Variants in ELOVL6 observed in about 807,000 individuals in gnomAD.
ELOVL6 encodes the protein very long chain fatty acid elongase 6.
Under a neutral mutation model 31.7 loss-of-function variants are expected in ELOVL6, and 8 were observed. That is an observed-to-expected ratio of 0.25 (90% confidence interval 0.15 to 0.45). ELOVL6 has a LOEUF of 0.45. Ranked by LOEUF, ELOVL6 falls within the 20% of genes least tolerant of loss-of-function variation. ELOVL6 has a pLI of 1.00. For synonymous variants in ELOVL6, 101 were observed against 117.7 expected (o/e 0.86, Z 0.92); for missense variants, 126 against 326.4 (o/e 0.39, Z 4.73).
intron 1 of ELOVL6, among the ~76,000 whole-genome samples, chr4:110,187,521 C>T (rs574581114): frequency 6.6e-6 from 1 of 151,592 alleles, no homozygotes; most frequent in South Asian, 2.1e-4. Context: ...CCAGTGAAAC[C>T]CCGTCTCTAC....
rs1560815068 is a variant in ELOVL6, at chr4:110,084,369, GATATATGAT to G, written c.221+21119_221+21127del. On this transcript the variant is annotated intron_variant, in intron 2 of 3. Coordinates refer to ENST00000302274, the MANE Select transcript of ELOVL6 (RefSeq NM_024090.3). Reference sequence around the variant, plus strand: ...GATATATGATATATACCGCATATATGATATATGATATATATCGCATATATGATATATGAT... The same window carrying G: ...GATATATGATATATACCGCATATATGATATATCGCATATATGATATATGAT... Among the ~76,000 whole-genome samples the G allele has an allele frequency of 1.5e-3, 51 of 34,672 alleles. 1 individual carries two copies. The highest frequency in any genetic ancestry group is 6.9e-3 in the African/African-American group (48 of 6,984). 22.7% of individuals were successfully genotyped at this position (34,672 alleles called of 152,430 possible).
chr4:110,097,264 C>G (rs1243473306), intron 2 of ELOVL6, among the ~76,000 whole-genome samples: 1 of 142,620 alleles, frequency 7.0e-6, no homozygotes, highest in Non-Finnish European at 1.5e-5. Flanking sequence ...AAGATCGTGC[C>G]ACTGTACTTC....
Position 110,057,835 on chromosome 4 carries a change from A to C in ELOVL6, c.373+1768T>G, listed in dbSNP as rs556908892. Among the ~76,000 whole-genome samples, 3 of 145,850 alleles carry C rather than the reference A, an allele frequency of 2.1e-5. No individual in the cohort carries two copies. The South Asian group carries it at 6.9e-4, about 34-fold the overall frequency. ...CACTGCACTCCAGCCTCGGCAACAG[A>C]GTAAGACTCTGTCTCAGGGAAAAAA... is the stretch of plus-strand genomic sequence containing the variant. On this transcript the variant is annotated intron_variant, in intron 3 of 3. Transcript: ENST00000302274.
intron 2 of ELOVL6, among the ~76,000 whole-genome samples, chr4:110,097,034 G>A (rs7655420): frequency 0.28 from 42,209 of 151,814 alleles, 6,684 homozygotes; most frequent in East Asian, 0.59. Context: ...ATGGCTGGGC[G>A]CAGTGGCTCA....
chr4:110,141,644 T>C (rs914868776), intron 1 of ELOVL6, among the ~76,000 whole-genome samples: 2 of 149,830 alleles, frequency 1.3e-5, no homozygotes, highest in South Asian at 2.1e-4. Context: ...TAATATTGTA[T>C]TGTATTGTAT....
intron 1 of ELOVL6, among the ~76,000 whole-genome samples, chr4:110,108,789 G>A (rs1296499217): frequency 6.6e-6 from 1 of 152,188 alleles, no homozygotes. Context: ...ATCGGTTTGA[G>A]TGCTGTGATC....
intron 1 of ELOVL6, among the ~76,000 whole-genome samples, chr4:110,148,628 G>A (rs1420622634): frequency 2.0e-5 from 3 of 152,104 alleles, no homozygotes; most frequent in Admixed American, 6.5e-5. Context: ...AAATAACTAA[G>A]AGTATAATTG....
chr4:110,177,907 TGAA>T (rs1759160029), intron 1 of ELOVL6, among the ~76,000 whole-genome samples: 2 of 152,296 alleles, frequency 1.3e-5, no homozygotes, highest in Admixed American at 6.5e-5. Flanking sequence ...ACATAATCCA[TGAA>T]GAAAATAATC....
rs560381954 is a variant in ELOVL6, at chr4:110,159,374, T to G, written c.89+38873A>C. ...TAATAACTTGATGACAAAAGTTACTTTGCTTAATCATGTAAAGTAGAAAAA... is the reference window on the plus strand; with the variant it reads ...TAATAACTTGATGACAAAAGTTACTGTGCTTAATCATGTAAAGTAGAAAAA... On this transcript the variant is annotated intron_variant, in intron 1 of 3. Coordinates refer to ENST00000302274, the MANE Select transcript of ELOVL6 (RefSeq NM_024090.3). Among the ~76,000 whole-genome samples, 74 of 152,180 alleles carry G rather than the reference T, an allele frequency of 4.9e-4. 1 individual carries two copies. The highest frequency in any genetic ancestry group is 7.6e-4 in the Non-Finnish European group (52 of 68,028).
At chr4:110,058,114 C>T (rs1283723208) in intron 3 of ELOVL6, among the ~76,000 whole-genome samples, 1 of 152,166 alleles carries the variant, frequency 6.6e-6, no homozygotes, top group East Asian at 1.9e-4. Context: ...CTCCTGGGGC[C>T]TGGTTCATAA....
At chr4:110,158,658 T>TATATATATATATATATATA (rs35622604) in intron 1 of ELOVL6, among the ~76,000 whole-genome samples, 18 of 59,540 alleles carry the variant, frequency 3.0e-4, no homozygotes, top group African/African-American at 1.2e-3. Flanking sequence ...TATATATATA[T>TATATATATATATATATATA]TTTTTTTTTT....
chr4:110,197,597 TG>T (rs1299763530), intron 1 of ELOVL6, among the ~76,000 whole-genome samples: 1 of 152,092 alleles, frequency 6.6e-6, no homozygotes, highest in Non-Finnish European at 1.5e-5. Flanking sequence ...CTGTTTTCAT[TG>T]TCCCCTCCTC....
At chr4:110,172,939 AAAG>A (rs1447525571) in intron 1 of ELOVL6, among the ~76,000 whole-genome samples, 1 of 152,208 alleles carries the variant, frequency 6.6e-6, no homozygotes, top group Non-Finnish European at 1.5e-5. Flanking sequence ...TAAGCACAAC[AAAG>A]AATGCAAAAG....
At position 110,077,443 on chromosome 4, in the gene ELOVL6, T is replaced by C. The variant is rs375535748; in HGVS notation, c.222-17689A>G. ...ATTTGCTGGTCACCAATATCCGCTG[T>C]TCTGCAGCCTCCACTGCTGATACCC... On this transcript the variant is annotated intron_variant, in intron 2 of 3. Coordinates refer to ENST00000302274, the MANE Select transcript of ELOVL6 (RefSeq NM_024090.3). Among the ~76,000 whole-genome samples, 4 of 152,180 alleles carry C rather than the reference T, an allele frequency of 2.6e-5. No homozygotes were observed. In the East Asian group the frequency reaches 5.8e-4, roughly 22 times the overall value.
intron 1 of ELOVL6, among the ~76,000 whole-genome samples, chr4:110,191,134 A>T (rs76467279): frequency 2.6e-5 from 4 of 152,212 alleles, no homozygotes; most frequent in African/African-American, 4.8e-5. Flanking sequence ...AATACTTTTT[A>T]AAAAAGGACC....
At chr4:110,116,837 G>C (rs1302863711) in intron 1 of ELOVL6, among the ~76,000 whole-genome samples, 4 of 152,204 alleles carry the variant, frequency 2.6e-5, no homozygotes, top group Non-Finnish European at 5.9e-5. Flanking sequence ...CTTCCACCCA[G>C]ATGGCCTGCT....
At chr4:110,103,934 T>G (rs551299568) in intron 2 of ELOVL6, among the ~76,000 whole-genome samples, 52 of 152,314 alleles carry the variant, frequency 3.4e-4, no homozygotes, top group African/African-American at 1.2e-3. Context: ...GTACTTAACC[T>G]TTAGCCATGG....
chr4:110,060,635 C>T (rs1755110631), intron 2 of ELOVL6, among the ~76,000 whole-genome samples: 1 of 152,146 alleles, frequency 6.6e-6, no homozygotes, highest in Admixed American at 6.5e-5. Flanking sequence ...AAGCACTTGG[C>T]AATAGGAACA....
At chr4:110,162,600 C>T (rs1020499544) in intron 1 of ELOVL6, among the ~76,000 whole-genome samples, 7 of 152,092 alleles carry the variant, frequency 4.6e-5, no homozygotes, top group African/African-American at 1.4e-4. Context: ...CCACCTCAGC[C>T]TCCCAAAGTG....
Sources: allele counts gnomAD v4.1 joint callset (sites outside exome capture counted in the v4.1 genomes callset), GRCh38; gene constraint gnomAD v4.1.1; transcripts MANE v1.5; gene names NCBI Gene and HGNC (gene_info 2026-07-23, HGNC 2026-07-21).